Variants in BIRC2 observed in about 807,000 individuals in gnomAD.
BIRC2 encodes the protein baculoviral IAP repeat containing 2.
In BIRC2, 18 loss-of-function variants were observed where a neutral mutation model predicts 60.9. The observed-to-expected ratio is 0.30, with a 90% CI of 0.20 to 0.44. The LOEUF (loss-of-function observed/expected upper bound fraction) is 0.44, where lower values mean the gene tolerates loss of function less well. BIRC2 is among the 20% of genes least tolerant of loss of function. The pLI is 1.00. For missense variants in BIRC2, 701 were observed against 728.5 expected, an observed-to-expected ratio of 0.96 and a Z score of 0.43; for synonymous variants, 282 against 247.7, an observed-to-expected ratio of 1.14 and a Z score of -1.30.
intron 3 of BIRC2, among the ~76,000 whole-genome samples, chr11:102,359,394 T>C (rs1262630997): frequency 6.6e-6 from 1 of 152,186 alleles, no homozygotes; most frequent in Non-Finnish European, 1.5e-5. Flanking sequence ...CATTACAAAT[T>C]TAGTATATTA....
intron 3 of BIRC2, among the ~76,000 whole-genome samples, chr11:102,361,026 TTCA>T (rs1198621038): frequency 3.9e-5 from 6 of 152,162 alleles, no homozygotes; most frequent in African/African-American, 1.4e-4. Context: ...TGGGGACCTC[TTCA>T]TCACTTTTTC....
At chr11:102,377,818 A>G (rs367691837) in intron 7 of BIRC2, 39 bp from the exon 8 acceptor site, 1 of 1,596,428 alleles carries the variant, frequency 6.3e-7, no homozygotes, top group Non-Finnish European at 8.5e-7. Context: ...TCAGTTTTGT[A>G]TTTAGTAGAG....
intron 6 of BIRC2, among the ~76,000 whole-genome samples, chr11:102,376,695 A>T (rs1441431888): frequency 6.6e-6 from 1 of 152,186 alleles, no homozygotes; most frequent in Non-Finnish European, 1.5e-5. Context: ...GTCAGGCTTG[A>T]TTCTTAGGTA....
At chr11:102,369,049 G>A (rs1237196022) in intron 6 of BIRC2, among the ~76,000 whole-genome samples, 1 of 151,894 alleles carries the variant, frequency 6.6e-6, no homozygotes, top group Non-Finnish European at 1.5e-5. Flanking sequence ...CCAATCCAAG[G>A]ATAACAGGAA....
intron 3 of BIRC2, 136 bp downstream of exon 3, chr11:102,351,079 T>G: frequency 1.2e-6 from 1 of 801,032 alleles, no homozygotes; most frequent in Non-Finnish European, 2.0e-6. Flanking sequence ...TTCTAAAAGA[T>G]CACATTTTAA....
chr11:102,351,614 C>CAA (rs768269523), intron 3 of BIRC2, among the ~76,000 whole-genome samples: 5,797 of 67,790 alleles, frequency 0.086, 715 homozygotes, highest in East Asian at 0.16. Flanking sequence ...GACTCTGTCT[C>CAA]AAAAAAAAAA....
intron 3 of BIRC2, among the ~76,000 whole-genome samples, chr11:102,361,861 A>G (rs374488685): frequency 1.3e-5 from 1 of 75,660 alleles, no homozygotes; most frequent in Non-Finnish European, 2.9e-5. Context: ...TTTTCCCTTT[A>G]TTGCTGTAGG....
At chr11:102,364,164 TATATATATATAC>T (rs1305154762) in intron 5 of BIRC2, among the ~76,000 whole-genome samples, 12 of 82,176 alleles carry the variant, frequency 1.5e-4, no homozygotes, top group Non-Finnish European at 1.9e-4. Context: ...TATATATATA[TATATATATATAC>T]ACACACACAC....
At chr11:102,375,804 G>T (rs1215745311) in intron 6 of BIRC2, among the ~76,000 whole-genome samples, 1 of 150,878 alleles carries the variant, frequency 6.6e-6, no homozygotes, top group South Asian at 2.1e-4. Context: ...AAAAATTCCA[G>T]TTCTATCAGT....
At chr11:102,366,080 G>A (rs907480535) in intron 5 of BIRC2, among the ~76,000 whole-genome samples, 2 of 152,140 alleles carry the variant, frequency 1.3e-5, no homozygotes, top group East Asian at 3.9e-4. Flanking sequence ...AAGCTGGAAT[G>A]TCCAGCTAAC....
intron 5 of BIRC2, 60 bp from the exon 6 acceptor site, chr11:102,368,246 A>G: frequency 1.3e-6 from 2 of 1,542,406 alleles, no homozygotes; most frequent in Non-Finnish European, 1.8e-6. Context: ...GTGCCATGAT[A>G]CTTTTTTCCA....
chr11:102,364,172 T>TACACACACACAC (rs1555048341), intron 5 of BIRC2, among the ~76,000 whole-genome samples: 7 of 89,704 alleles, frequency 7.8e-5, no homozygotes, highest in African/African-American at 3.8e-4. Context: ...TATATATATA[T>TACACACACACAC]ATACACACAC....
At chr11:102,375,286 C>T (rs976970115) in intron 6 of BIRC2, among the ~76,000 whole-genome samples, 15 of 152,074 alleles carry the variant, frequency 9.9e-5, no homozygotes, top group African/African-American at 2.4e-4. Flanking sequence ...CACTAGCTGG[C>T]GAGACTAGTG....
At chr11:102,368,161 T>C in intron 5 of BIRC2, 145 bp from the exon 6 acceptor site, 3 of 934,264 alleles carry the variant, frequency 3.2e-6, no homozygotes, top group Non-Finnish European at 1.6e-6. Flanking sequence ...CAAACTTTTA[T>C]TGGAGTTATA....
At chr11:102,371,910 T>C (rs1450551642) in intron 6 of BIRC2, among the ~76,000 whole-genome samples, 11 of 152,278 alleles carry the variant, frequency 7.2e-5, no homozygotes, top group East Asian at 5.8e-4. Flanking sequence ...GTGTATGTGT[T>C]GAGGAATTTA....
chr11:102,374,476 G>C (rs1591543747), intron 6 of BIRC2, among the ~76,000 whole-genome samples: 1 of 150,020 alleles, frequency 6.7e-6, no homozygotes, highest in African/African-American at 2.5e-5. Flanking sequence ...CAGTTAGGCT[G>C]CTCGGGGGTC....
intron 3 of BIRC2, among the ~76,000 whole-genome samples, chr11:102,352,976 TTAA>T (rs1219335832): frequency 6.6e-6 from 1 of 152,148 alleles, no homozygotes; most frequent in Non-Finnish European, 1.5e-5. Flanking sequence ...TTTAAAGTTA[TTAA>T]TATTAATAAT....
At position 102,367,300 on chromosome 11, in the gene BIRC2, G is replaced by T. The variant is rs546848310; in HGVS notation, c.1124-1006G>T. Among the ~76,000 whole-genome samples the T allele has an allele frequency of 2.7e-5, 4 of 149,796 alleles. No homozygotes were observed. The East Asian group carries it at 5.8e-4, about 22-fold the overall frequency. ...CCATTCCCTATTGAGAGCTATTCCT[G>T]TTATTTTCTGTTTTTTTTTTTCTGC... is the stretch of plus-strand genomic sequence containing the variant. On this transcript the variant is annotated intron_variant, in intron 5 of 8. Coordinates refer to ENST00000227758, the MANE Select transcript of BIRC2 (RefSeq NM_001166.5).
chr11:102,374,876 GT>G (rs1232854540), intron 6 of BIRC2, among the ~76,000 whole-genome samples: 1 of 152,180 alleles, frequency 6.6e-6, no homozygotes, highest in Non-Finnish European at 1.5e-5. Context: ...TTGGTTCGCC[GT>G]TTTTTAAGCC....
Sources: allele counts gnomAD v4.1 joint callset (sites outside exome capture counted in the v4.1 genomes callset), GRCh38; gene constraint gnomAD v4.1.1; transcripts MANE v1.5; gene names NCBI Gene and HGNC (gene_info 2026-07-23, HGNC 2026-07-21).